TRHDE: variants seen among roughly 807,000 people sequenced by gnomAD.
TRHDE encodes thyrotropin-releasing hormone-degrading ectoenzyme.
A neutral mutation model predicts 125.7 loss-of-function variants in TRHDE; 72 were observed. That is an observed-to-expected ratio of 0.57 (90% CI 0.47 to 0.70). TRHDE has a LOEUF of 0.70. Ranked by LOEUF, TRHDE falls within the 30% of genes least tolerant of loss-of-function variation. TRHDE has a pLI of 0.00. For synonymous variants in TRHDE, 509 were observed against 509.1 expected (o/e 1.00, Z 0.00); for missense variants, 1,110 against 1,327.1 (o/e 0.84, Z 2.54).
intron 6 of TRHDE, among the ~76,000 whole-genome samples, chr12:72,504,218 T>C (rs779653637): frequency 3.2e-4 from 48 of 151,960 alleles, no homozygotes; most frequent in Non-Finnish European, 5.0e-4. Context: ...AACATGATCA[T>C]AGCAGAATGT....
At chr12:72,211,610 A>G (rs1021501512) in intron 2 of TRHDE, among the ~76,000 whole-genome samples, 4 of 152,154 alleles carry the variant, frequency 2.6e-5, no homozygotes, top group Admixed American at 1.3e-4. Context: ...ATTCATCACT[A>G]TTTTGGTCCA....
chr12:72,572,899 A>C (rs919061292), intron 10 of TRHDE, among the ~76,000 whole-genome samples: 5 of 152,072 alleles, frequency 3.3e-5, no homozygotes, highest in Non-Finnish European at 7.4e-5. Flanking sequence ...TAACTTTAAA[A>C]ATATAGTTAC....
At chr12:72,157,002 G>C (rs984857225) in intron 2 of TRHDE, among the ~76,000 whole-genome samples, 21 of 152,180 alleles carry the variant, frequency 1.4e-4, no homozygotes, top group African/African-American at 5.1e-4. Context: ...GGCCTGTTAA[G>C]AGATGACACG....
intron 6 of TRHDE, among the ~76,000 whole-genome samples, chr12:72,523,793 G>A (rs951130912): frequency 2.6e-5 from 4 of 152,094 alleles, no homozygotes; most frequent in African/African-American, 4.8e-5. Flanking sequence ...GATTCTGCTC[G>A]TGATACACCA....
chr12:72,500,520 T>G (rs895658371), intron 6 of TRHDE, among the ~76,000 whole-genome samples: 10 of 152,164 alleles, frequency 6.6e-5, no homozygotes, highest in African/African-American at 1.4e-4. Flanking sequence ...GCCTCCTGAG[T>G]AGCTGGGACT....
rs535575023 is a variant in TRHDE, at chr12:72,405,730, G to T, written c.1315+27609G>T. Among the ~76,000 whole-genome samples the T allele has an allele frequency of 3.3e-5, 5 of 152,298 alleles. No individual in the cohort carries two copies. The South Asian group carries it at 1.0e-3, about 32-fold the overall frequency. ...TTTTGATATTTCCGAAAGGGAAAAT[G>T]CTTGTTCAGTGTAAAGGAAAACATA... On this transcript the variant is annotated intron_variant, in intron 3 of 18. Transcript: ENST00000261180.
At chr12:72,145,130 G>T (rs73135430) in intron 2 of TRHDE, among the ~76,000 whole-genome samples, 3 of 152,152 alleles carry the variant, frequency 2.0e-5, no homozygotes, top group Non-Finnish European at 4.4e-5. Flanking sequence ...CTTCTCAGCT[G>T]CACCTGCCCC....
chr12:72,503,024 G>A (rs1878218680), intron 6 of TRHDE, among the ~76,000 whole-genome samples: 1 of 152,072 alleles, frequency 6.6e-6, no homozygotes, highest in Non-Finnish European at 1.5e-5. Flanking sequence ...TGCATAATGA[G>A]TAATAACCAA....
intron 7 of TRHDE, among the ~76,000 whole-genome samples, chr12:72,544,881 C>T (rs1019669652): frequency 1.3e-5 from 2 of 150,944 alleles, no homozygotes; most frequent in African/African-American, 4.9e-5. Flanking sequence ...ACTACATTTT[C>T]AATTTTTTGT....
rs186466592 is a variant in TRHDE, at chr12:72,110,702, G to T, written n.279+4950G>T. On this transcript the variant is annotated intron_variant and non_coding_transcript_variant, in intron 2 of 4. Transcript: ENST00000548156. ...GACTCTAGGTGATGCCATGATTGCT[G>T]TTCTACAATGATTTATTCCATATGA... 3.7e-4 allele frequency among the ~76,000 whole-genome samples: 57 copies of T among 152,058 alleles called. 1 individual carries two copies. Among genetic ancestry groups the T allele is most frequent in the African/African-American group, 1.3e-3 (55 of 41,420 alleles).
intron 6 of TRHDE, among the ~76,000 whole-genome samples, chr12:72,541,096 A>G (rs1222205053): frequency 6.6e-6 from 1 of 151,554 alleles, no homozygotes; most frequent in Non-Finnish European, 1.5e-5. Flanking sequence ...GAATGATTCT[A>G]TATGTGATTC....
chr12:72,380,871 CT>C (rs1872140961), intron 3 of TRHDE, among the ~76,000 whole-genome samples: 1 of 144,316 alleles, frequency 6.9e-6, no homozygotes, highest in African/African-American at 2.6e-5. Flanking sequence ...TTCTCTCTCT[CT>C]CTCTTCTTTC....
At chr12:72,570,910 A>G (rs1324294919) in intron 10 of TRHDE, among the ~76,000 whole-genome samples, 1 of 152,202 alleles carries the variant, frequency 6.6e-6, no homozygotes, top group East Asian at 1.9e-4. Context: ...TCATAGCACT[A>G]TCTTCTGTTT....
At chr12:72,277,514 C>A (rs924971566) in intron 1 of TRHDE, among the ~76,000 whole-genome samples, 22 of 152,258 alleles carry the variant, frequency 1.4e-4, no homozygotes, top group African/African-American at 5.1e-4. Flanking sequence ...TGAAAAAAAT[C>A]TTTGAGAACC....
chr12:72,621,632 G>T lies in TRHDE; in HGVS notation c.2568-12G>T. On this transcript the variant is annotated splice_polypyrimidine_tract_variant and intron_variant, in intron 14 of 18. Transcript: ENST00000261180. ...TTTCTTTTTAATTTGTTTCCCTTTT[G>T]ATGATATCTAGAGAACTACGTAGAG... The T allele has an allele frequency of 6.3e-7, 1 of 1,578,844 alleles. No individual in the cohort carries two copies. The highest frequency in any genetic ancestry group is 8.6e-7 in the Non-Finnish European group (1 of 1,158,650).
chr12:72,427,943 G>A (rs577048474), intron 3 of TRHDE, among the ~76,000 whole-genome samples: 1 of 152,254 alleles, frequency 6.6e-6, no homozygotes, highest in African/African-American at 2.4e-5. Flanking sequence ...ACATTCCTAG[G>A]TCATACCTCC....
chr12:72,181,110 T>C (rs1877088196), intron 2 of TRHDE, among the ~76,000 whole-genome samples: 1 of 152,092 alleles, frequency 6.6e-6, no homozygotes, highest in African/African-American at 2.4e-5. Flanking sequence ...GGCGGCACCA[T>C]TGGTTTTGTT....
intron 6 of TRHDE, among the ~76,000 whole-genome samples, chr12:72,511,930 C>G (rs1341496247): frequency 1.3e-5 from 2 of 152,110 alleles, no homozygotes; most frequent in Admixed American, 1.3e-4. Context: ...TAATCCTATT[C>G]AAAGGATTCT....
chr12:72,096,132 T>TACACACACACACACACACAC (rs1208734021), intron 1 of TRHDE, among the ~76,000 whole-genome samples: 8 of 26,570 alleles, frequency 3.0e-4, no homozygotes, highest in African/African-American at 8.2e-4. Flanking sequence ...TTCTTATGTG[T>TACACACACACACACACACAC]ATACACACAC....
Sources: gnomAD v4.1 joint callset for allele counts (sites outside exome capture counted in the v4.1 genomes callset) on GRCh38, gnomAD v4.1.1 for gene constraint, MANE v1.5 for transcripts, NCBI Gene and HGNC (gene_info 2026-07-23, HGNC 2026-07-21) for gene names.